The following PAX3 variants were observed in gnomAD, a reference collection of about 807,000 sequenced individuals.
The protein encoded by PAX3 is paired box protein Pax-3.
PAX3 carries 14 observed loss-of-function variants against 51.6 expected under a neutral mutation model. The ratio of observed to expected loss-of-function variants is 0.27; its 90% CI spans 0.18 to 0.42. The LOEUF (loss-of-function observed/expected upper bound fraction) is 0.42, where lower values mean the gene tolerates loss of function less well. Among genes scored for constraint, PAX3 ranks in the 10% least tolerant of loss-of-function variants. The probability of loss-of-function intolerance (pLI) is 1.00; values close to 1 mark genes in which losing one functional copy is unlikely to be tolerated. For synonymous variants in PAX3, 280 were observed against 253.4 expected, an observed-to-expected ratio of 1.11 and a Z score of -1.00; for missense variants, 540 against 642.8, an observed-to-expected ratio of 0.84 and a Z score of 1.73.
chr2:222,279,561 T>C (rs1694563311), intron 4 of PAX3, among the ~76,000 whole-genome samples: 1 of 152,230 alleles, frequency 6.6e-6, no homozygotes, highest in Admixed American at 6.5e-5. Context: ...ACACTTGTTC[T>C]GGTAACATCT....
intron 8 of PAX3, 112 bp downstream of exon 8, chr2:222,201,832 A>G: frequency 3.8e-6 from 6 of 1,584,158 alleles, no homozygotes; most frequent in Non-Finnish European, 5.1e-6. Context: ...AAAAAAAAAA[A>G]TTGATACCGG....
chr2:222,276,447 G>C (rs1694423465), intron 4 of PAX3, among the ~76,000 whole-genome samples: 1 of 152,134 alleles, frequency 6.6e-6, no homozygotes, highest in Non-Finnish European at 1.5e-5. Context: ...AAGGGTCCCG[G>C]TCCTCTCCAT....
chr2:222,293,526 C>A (rs576192954), intron 4 of PAX3: 21 of 1,160,318 alleles, frequency 1.8e-5, no homozygotes, highest in Non-Finnish European at 2.5e-5. Flanking sequence ...CTCTAAGAAC[C>A]CAGATCCCTT....
chr2:222,263,106 G>A (rs777724952), intron 4 of PAX3: 19 of 152,206 alleles, frequency 1.2e-4, no homozygotes, highest in Admixed American at 2.0e-4. Flanking sequence ...ATAAAAAATT[G>A]ACAAATTGGA....
At chr2:222,214,943 T>A (rs1371800697) in intron 7 of PAX3, 1 of 152,168 alleles carries the variant, frequency 6.6e-6, no homozygotes, top group Non-Finnish European at 1.5e-5. Context: ...GTCATTGGTT[T>A]CACTCATAAA....
chr2:222,218,309 G>A (rs1692046709), intron 7 of PAX3, among the ~76,000 whole-genome samples: 1 of 152,060 alleles, frequency 6.6e-6, no homozygotes, highest in African/African-American at 2.4e-5. Flanking sequence ...CTACTTATGT[G>A]ATACTTATAT....
At chr2:222,203,686 A>G (rs931660139) in intron 7 of PAX3, among the ~76,000 whole-genome samples, 3 of 152,100 alleles carry the variant, frequency 2.0e-5, no homozygotes, top group Non-Finnish European at 4.4e-5. Flanking sequence ...AAGCATCTCA[A>G]CTCAGATTCC....
chr2:222,203,154 A>G (rs191021915), intron 7 of PAX3, among the ~76,000 whole-genome samples: 1 of 150,620 alleles, frequency 6.6e-6, no homozygotes, highest in Admixed American at 6.6e-5. Flanking sequence ...GGAAAAAAAA[A>G]AATATCCTGT....
chr2:222,226,659 G>T (rs1034507625), intron 5 of PAX3, among the ~76,000 whole-genome samples: 4 of 151,158 alleles, frequency 2.6e-5, no homozygotes, highest in Non-Finnish European at 5.9e-5. Context: ...AATTACTGAT[G>T]CTATAAGGAT....
chr2:222,254,890 C>A (rs1435934484), intron 4 of PAX3, among the ~76,000 whole-genome samples: 1 of 152,144 alleles, frequency 6.6e-6, no homozygotes, highest in Non-Finnish European at 1.5e-5. Context: ...TCAAGCAACT[C>A]TCCTGTCTCA....
At chr2:222,210,293 T>C (rs1369822259) in intron 7 of PAX3, among the ~76,000 whole-genome samples, 3 of 152,180 alleles carry the variant, frequency 2.0e-5, no homozygotes, top group African/African-American at 7.2e-5. Flanking sequence ...ACTTAGATTG[T>C]CCCTTATGTT....
intron 4 of PAX3, among the ~76,000 whole-genome samples, chr2:222,260,568 T>G (rs1189495825): frequency 8.7e-5 from 9 of 103,978 alleles, no homozygotes; most frequent in African/African-American, 2.5e-4. Flanking sequence ...TTTTTTTGTT[T>G]TTTTTTTTTG....
At chr2:222,221,993 G>A (rs1054939858) in intron 5 of PAX3, among the ~76,000 whole-genome samples, 2 of 151,802 alleles carry the variant, frequency 1.3e-5, no homozygotes, top group East Asian at 1.9e-4. Flanking sequence ...AGAAATGAAA[G>A]CCTTTTTTTA....
intron 4 of PAX3, among the ~76,000 whole-genome samples, chr2:222,255,957 C>T (rs376477453): frequency 2.9e-5 from 3 of 103,520 alleles, no homozygotes; most frequent in South Asian, 3.2e-4. Flanking sequence ...TTAGTAGAGA[C>T]GGGGTTTCAG....
intron 4 of PAX3, among the ~76,000 whole-genome samples, chr2:222,245,823 A>G (rs2106117762): frequency 6.6e-6 from 1 of 151,426 alleles, no homozygotes; most frequent in Non-Finnish European, 1.5e-5. Context: ...TACAAAAAAA[A>G]AAAAAAAATT....
At chr2:222,252,620 A>G (rs1693479970) in intron 4 of PAX3, among the ~76,000 whole-genome samples, 1 of 152,010 alleles carries the variant, frequency 6.6e-6, no homozygotes, top group Admixed American at 6.6e-5. Context: ...GCAAGTCCCA[A>G]TCCCTCTGCC....
chr2:222,209,560 T>G (rs1320033465), intron 7 of PAX3, among the ~76,000 whole-genome samples: 1 of 151,776 alleles, frequency 6.6e-6, no homozygotes, highest in Non-Finnish European at 1.5e-5. Flanking sequence ...AAGCATTCAT[T>G]TAAAATTCAT....
intron 5 of PAX3, among the ~76,000 whole-genome samples, chr2:222,228,317 A>C (rs1692459102): frequency 6.6e-6 from 1 of 152,210 alleles, no homozygotes; most frequent in African/African-American, 2.4e-5. Flanking sequence ...TACGTTAATG[A>C]AGGCCCTGCT....
intron 5 of PAX3, among the ~76,000 whole-genome samples, chr2:222,230,928 T>C (rs542570582): frequency 1.3e-4 from 20 of 152,242 alleles, no homozygotes; most frequent in Non-Finnish European, 2.8e-4. Flanking sequence ...TTTCTGCACT[T>C]ATCATGTCTG....
Sources: allele counts gnomAD v4.1 joint callset (sites outside exome capture counted in the v4.1 genomes callset), GRCh38; gene constraint gnomAD v4.1.1; transcripts MANE v1.5; gene names NCBI Gene and HGNC (gene_info 2026-07-23, HGNC 2026-07-21).